MAP3K7CL: variants seen among roughly 807,000 people sequenced by gnomAD.
MAP3K7CL encodes the protein MAP3K7 C-terminal like, also known as MAP3K7 C-terminal-like protein.
MAP3K7CL carries 16 observed loss-of-function variants against 18.6 expected under a neutral mutation model. The observed-to-expected ratio is 0.86, with a 90% confidence interval of 0.58 to 1.31. MAP3K7CL has a LOEUF of 1.31. MAP3K7CL is among the 50% of genes most tolerant of loss of function. MAP3K7CL has a pLI of 0.00. For missense variants in MAP3K7CL, 163 were observed against 174.4 expected (o/e 0.93, Z 0.37); for synonymous variants, 65 against 66.8 (o/e 0.97, Z 0.13).
chr21:29,158,951 C>T (rs1465217149), intron 3 of MAP3K7CL, among the ~76,000 whole-genome samples: 2 of 121,872 alleles, frequency 1.6e-5, no homozygotes, highest in Non-Finnish European at 1.6e-5. Context: ...AATGGAGTCT[C>T]ACTCTGTCAC....
rs574369852 is a variant in MAP3K7CL, at chr21:29,117,225, G to A, written c.370+24644G>A. Among the ~76,000 whole-genome samples the A allele has an allele frequency of 2.0e-5, 3 of 152,138 alleles. No individual in the cohort carries two copies. The South Asian group carries it at 6.2e-4, about 32-fold the overall frequency. On this transcript the variant is annotated intron_variant, in intron 4 of 6. Coordinates refer to the MAP3K7CL transcript ENST00000286791. Reference sequence around the variant, plus strand: ...CTTCACTAGAATTTTTCTGTTCCAGGAAAATGTCATTTTCTATTTGTGGAC... The same window carrying A: ...CTTCACTAGAATTTTTCTGTTCCAGAAAAATGTCATTTTCTATTTGTGGAC...
chr21:29,092,230 C>A (rs1176508628), intron 3 of MAP3K7CL: 10 of 547,572 alleles, frequency 1.8e-5, no homozygotes, highest in South Asian at 2.7e-5. Context: ...GTTGAACATC[C>A]AGGACTGGAA....
At chr21:29,117,878 G>GGAA (rs10630845) in intron 4 of MAP3K7CL, among the ~76,000 whole-genome samples, 67,642 of 151,276 alleles carry the variant, frequency 0.45, 15,276 homozygotes, top group East Asian at 0.63. Context: ...ACCTTCCACA[G>GGAA]GAAGAAGAGA....
At position 29,149,271 on chromosome 21, in the gene MAP3K7CL, T is replaced by C. The variant is rs773189322; in HGVS notation, c.132+21T>C. 41 of 1,607,218 alleles carry C rather than the reference T, an allele frequency of 2.6e-5. No homozygotes were observed. In the South Asian group the frequency reaches 4.0e-4, roughly 16 times the overall value. On this transcript the variant is annotated intron_variant, in intron 3 of 4. Coordinates refer to ENST00000399928, the MANE Select transcript of MAP3K7CL (RefSeq NM_001286620.2). The stretch of plus-strand genomic sequence containing the variant: ...TACAGGTAAGGATTTTTCTAAAGTC[T>C]CTCTTCTTTCCTCCTTAGTGTCATA...
intron 3 of MAP3K7CL, among the ~76,000 whole-genome samples, chr21:29,149,822 T>C (rs2087228484): frequency 6.6e-6 from 1 of 152,256 alleles, no homozygotes; most frequent in Admixed American, 6.5e-5. Flanking sequence ...ACCAGAATTA[T>C]TTGAAAGGAG....
chr21:29,130,460 G>C, upstream of MAP3K7CL: 2 of 381,954 alleles, frequency 5.2e-6, no homozygotes, highest in Non-Finnish European at 7.2e-6. Context: ...CAGTTTGCTG[G>C]AATAGACACA....
chr21:29,149,144 A>G lies in MAP3K7CL; in HGVS notation c.71-45A>G, dbSNP rs78743527. The G allele has an allele frequency of 2.6e-5, 41 of 1,558,744 alleles. No individual in the cohort carries two copies. In the African/African-American group the frequency reaches 2.7e-4, roughly 10 times the overall value. ...CTGGGGGAGTCCAAGGACTCCTACA[A>G]GAAAGAGCTCCATAGTGAAGAATCA... On this transcript the variant is annotated intron_variant, in intron 2 of 4. Coordinates refer to ENST00000399928, the MANE Select transcript of MAP3K7CL (RefSeq NM_001286620.2).
At chr21:29,106,886 T>C (rs2086331813) in intron 4 of MAP3K7CL, among the ~76,000 whole-genome samples, 1 of 152,210 alleles carries the variant, frequency 6.6e-6, no homozygotes. Context: ...CACAGGATCT[T>C]GCTCTTTCTG....
intron 4 of MAP3K7CL, chr21:29,092,585 A>C: frequency 1.2e-6 from 2 of 1,613,510 alleles, no homozygotes; most frequent in Non-Finnish European, 1.7e-6. Flanking sequence ...CCTCTGGGTG[A>C]GTATTCCGTC....
intron 4 of MAP3K7CL, among the ~76,000 whole-genome samples, chr21:29,105,143 A>G (rs1249815528): frequency 6.6e-6 from 1 of 152,212 alleles, no homozygotes; most frequent in Non-Finnish European, 1.5e-5. Context: ...CTAATCACCA[A>G]TCATTCTCTG....
At chr21:29,087,814 C>T (rs1002556682) in intron 1 of MAP3K7CL, among the ~76,000 whole-genome samples, 15 of 151,986 alleles carry the variant, frequency 9.9e-5, no homozygotes, top group African/African-American at 2.4e-4. Flanking sequence ...AGGATGGTCT[C>T]GATCTCCTGA....
At chr21:29,132,548 C>T (rs184678086) in intron 1 of MAP3K7CL, among the ~76,000 whole-genome samples, 137 of 152,106 alleles carry the variant, frequency 9.0e-4, no homozygotes, top group African/African-American at 3.3e-3. Context: ...CTCACTCTGT[C>T]GCCCAGGCTG....
At chr21:29,165,535 T>C (rs2146747230) in intron 4 of MAP3K7CL, among the ~76,000 whole-genome samples, 1 of 152,334 alleles carries the variant, frequency 6.6e-6, no homozygotes, top group East Asian at 1.9e-4. Context: ...CCTTATGTCT[T>C]TGCATCCTCA....
intron 3 of MAP3K7CL, among the ~76,000 whole-genome samples, chr21:29,155,638 T>A (rs2087384657): frequency 6.6e-6 from 1 of 152,150 alleles, no homozygotes; most frequent in Non-Finnish European, 1.5e-5. Context: ...CTTCATCTTG[T>A]TAAATCGGTC....
chr21:29,124,572 G>C (rs2086652684), intron 4 of MAP3K7CL, among the ~76,000 whole-genome samples: 1 of 152,192 alleles, frequency 6.6e-6, no homozygotes, highest in African/African-American at 2.4e-5. Flanking sequence ...CCCTGAGTTA[G>C]TCCATGCTTG....
chr21:29,172,743 A>C (rs1268925623), intron 4 of MAP3K7CL, among the ~76,000 whole-genome samples: 1 of 152,142 alleles, frequency 6.6e-6, no homozygotes, highest in African/African-American at 2.4e-5. Context: ...TTATATAATA[A>C]AACATGTTTG....
chr21:29,113,522 C>G (rs1310591602), intron 4 of MAP3K7CL, among the ~76,000 whole-genome samples: 2 of 152,274 alleles, frequency 1.3e-5, no homozygotes, highest in East Asian at 3.9e-4. Context: ...GGCATGATCT[C>G]AGCTCATTGC....
intron 4 of MAP3K7CL, chr21:29,109,360 AAGAT>A: frequency 7.3e-7 from 1 of 1,375,332 alleles, no homozygotes. Flanking sequence ...TAGTAATAGA[AAGAT>A]AGATCAACTC....
chr21:29,133,509 C>T (rs1601214763), intron 2 of MAP3K7CL, 95 bp downstream of exon 2: 1 of 854,742 alleles, frequency 1.2e-6, no homozygotes, highest in Non-Finnish European at 1.7e-6. Flanking sequence ...TTTAAAGTTG[C>T]ATGCTTGCAT....
Sources: gnomAD v4.1 joint callset for allele counts (sites outside exome capture counted in the v4.1 genomes callset) on GRCh38, gnomAD v4.1.1 for gene constraint, MANE v1.5 for transcripts, NCBI Gene and HGNC (gene_info 2026-07-23, HGNC 2026-07-21) for gene names.